Variants in BMPR1B observed in about 807,000 individuals in gnomAD.
BMPR1B encodes bone morphogenetic protein receptor type-1B.
BMPR1B carries 12 observed loss-of-function variants against 59.1 expected under a neutral mutation model. The ratio of observed to expected loss-of-function variants is 0.20; its 90% CI spans 0.13 to 0.33. BMPR1B has a LOEUF of 0.33. Ranked by LOEUF, BMPR1B falls within the 10% of genes least tolerant of loss-of-function variation. BMPR1B has a pLI of 1.00. For synonymous variants in BMPR1B, 237 were observed against 207.3 expected, an observed-to-expected ratio of 1.14 and a Z score of -1.23; for missense variants, 550 against 610.9, an observed-to-expected ratio of 0.90 and a Z score of 1.05.
intron 3 of BMPR1B, among the ~76,000 whole-genome samples, chr4:95,095,859 T>A (rs761770331): frequency 2.6e-4 from 40 of 151,908 alleles, no homozygotes; most frequent in Non-Finnish European, 5.3e-4. Context: ...GTCCTTTATA[T>A]CACAAATTAA....
At chr4:94,985,864 T>A (rs7659759) in intron 2 of BMPR1B, among the ~76,000 whole-genome samples, 5,261 of 152,252 alleles carry the variant, frequency 0.035, 316 homozygotes, top group African/African-American at 0.12. Context: ...GAAAGAGCAC[T>A]TATAAAAATA....
In BMPR1B at chr4:94,770,180, G is replaced by GT. The variant is rs1553903537; in HGVS notation, c.-183+12113dup. 1.3e-3 allele frequency among the ~76,000 whole-genome samples: 142 copies of GT among 106,216 alleles called. 4 individuals carry two copies. Among genetic ancestry groups the GT allele is most frequent in the African/African-American group, 3.8e-3 (91 of 24,170 alleles). The allele number at this position is 106,216 out of a possible 152,430, so 69.7% of individuals were successfully genotyped here. The stretch of plus-strand genomic sequence containing the variant: ...TTTGTTTGAATTGTCCTTCGTTTCT[G>GT]TGTTTGTTTTTTTTTTTTTTTTTTG... On this transcript the variant is annotated intron_variant, in intron 1 of 12. Transcript: ENST00000515059.
intron 3 of BMPR1B, among the ~76,000 whole-genome samples, chr4:95,067,937 G>T (rs1322095295): frequency 6.6e-6 from 1 of 152,184 alleles, no homozygotes; most frequent in African/African-American, 2.4e-5. Flanking sequence ...ACTAAAGGAT[G>T]ATAAGGCATT....
intron 4 of BMPR1B, 75 bp downstream of exon 4, chr4:95,104,642 T>G: frequency 6.4e-7 from 1 of 1,565,440 alleles, no homozygotes; most frequent in Non-Finnish European, 8.8e-7. Flanking sequence ...TGTAGGCTAG[T>G]GTTTCAAAGA....
At chr4:94,778,216 A>G (rs1053689920) in intron 1 of BMPR1B, among the ~76,000 whole-genome samples, 19 of 152,070 alleles carry the variant, frequency 1.2e-4, no homozygotes, top group Admixed American at 1.0e-3. Flanking sequence ...TTTCCTTCCC[A>G]TCTGAGTAAA....
chr4:95,093,733 A>G (rs1730168804), intron 3 of BMPR1B, among the ~76,000 whole-genome samples: 1 of 152,068 alleles, frequency 6.6e-6, no homozygotes, highest in Non-Finnish European at 1.5e-5. Flanking sequence ...GGTGATGTGT[A>G]ATGTCGATGT....
At chr4:95,125,668 T>A (rs1732855337) in intron 8 of BMPR1B, among the ~76,000 whole-genome samples, 1 of 152,188 alleles carries the variant, frequency 6.6e-6, no homozygotes, top group African/African-American at 2.4e-5. Context: ...AAAAGAGATG[T>A]ACAAATAGTA....
intron 3 of BMPR1B, among the ~76,000 whole-genome samples, chr4:95,027,356 C>T (rs2149148008): frequency 6.6e-6 from 1 of 152,266 alleles, no homozygotes; most frequent in East Asian, 1.9e-4. Flanking sequence ...CTGAAGTCAT[C>T]TGATTAAAAG....
intron 1 of BMPR1B, among the ~76,000 whole-genome samples, chr4:94,838,646 C>T (rs1216475256): frequency 1.4e-5 from 2 of 142,014 alleles, no homozygotes; most frequent in Non-Finnish European, 1.6e-5. Context: ...TGATTCTTCT[C>T]TCTTTTTTTC....
intron 1 of BMPR1B, among the ~76,000 whole-genome samples, chr4:94,761,062 T>G (rs1192374710): frequency 1.3e-5 from 2 of 152,206 alleles, no homozygotes; most frequent in Non-Finnish European, 2.9e-5. Flanking sequence ...GAGACTTTAC[T>G]TTTTTCACGG....
Position 94,988,004 on chromosome 4 carries a change from CCTAAT to C in BMPR1B, c.-112-8030_-112-8026del, listed in dbSNP as rs1721520492. On this transcript the variant is annotated intron_variant, in intron 2 of 12. Coordinates refer to ENST00000515059, the MANE Select transcript of BMPR1B (RefSeq NM_001203.3). Reference sequence around the variant, plus strand: ...CTTATCCAGTCTCTTGTCACATAGACCTAATCTAATTTCCATTTGGAGTAATTGTA... The same window carrying C: ...CTTATCCAGTCTCTTGTCACATAGACCTAATTTCCATTTGGAGTAATTGTA... 2.0e-5 allele frequency among the ~76,000 whole-genome samples: 3 copies of C among 152,168 alleles called. No individual in the cohort carries two copies. In the South Asian group the frequency reaches 6.2e-4, roughly 32 times the overall value.
intron 3 of BMPR1B, among the ~76,000 whole-genome samples, chr4:95,038,543 T>A (rs1436582246): frequency 1.3e-5 from 2 of 152,210 alleles, no homozygotes; most frequent in Admixed American, 6.5e-5. Flanking sequence ...AATCCTCTAT[T>A]GAAAAGGCAG....
chr4:95,021,655 C>G (rs973577199), intron 3 of BMPR1B, among the ~76,000 whole-genome samples: 1 of 152,028 alleles, frequency 6.6e-6, no homozygotes, highest in African/African-American at 2.4e-5. Flanking sequence ...GGCAGAAATG[C>G]TATGCAAAAT....
chr4:94,783,852 C>T (rs1722670469), intron 1 of BMPR1B, among the ~76,000 whole-genome samples: 1 of 152,134 alleles, frequency 6.6e-6, no homozygotes, highest in Non-Finnish European at 1.5e-5. Flanking sequence ...TAGTTTAGAG[C>T]TGGGGGGATG....
chr4:95,087,001 T>TTC (rs1560642812), intron 3 of BMPR1B, among the ~76,000 whole-genome samples: 1 of 46,540 alleles, frequency 2.1e-5, no homozygotes. Context: ...TATCCTTCTT[T>TTC]TTTTTTTTTT....
At chr4:94,817,241 A>G (rs1005121222) in intron 1 of BMPR1B, among the ~76,000 whole-genome samples, 4 of 152,224 alleles carry the variant, frequency 2.6e-5, no homozygotes, top group Non-Finnish European at 1.5e-5. Context: ...GTATTTTGTT[A>G]TAGCAGCATA....
intron 3 of BMPR1B, among the ~76,000 whole-genome samples, chr4:95,071,646 GTGTGTGTATA>G (rs1312277222): frequency 2.3e-5 from 2 of 86,576 alleles, no homozygotes; most frequent in African/African-American, 4.7e-5. Context: ...GTGTGTGTGT[GTGTGTGTATA>G]TATATATATA....
chr4:95,039,307 A>G (rs1226574346), intron 3 of BMPR1B, among the ~76,000 whole-genome samples: 1 of 152,106 alleles, frequency 6.6e-6, no homozygotes, highest in African/African-American at 2.4e-5. Flanking sequence ...AAGGCAGAGA[A>G]TGTAGTATCT....
At chr4:94,889,706 C>T (rs1727314703) in intron 2 of BMPR1B, among the ~76,000 whole-genome samples, 7 of 151,978 alleles carry the variant, frequency 4.6e-5, no homozygotes, top group Admixed American at 4.6e-4. Flanking sequence ...GAGAAGGAGC[C>T]ACAGTCTTCC....
Sources: gnomAD v4.1 joint callset for allele counts (sites outside exome capture counted in the v4.1 genomes callset) on GRCh38, gnomAD v4.1.1 for gene constraint, MANE v1.5 for transcripts, NCBI Gene and HGNC (gene_info 2026-07-23, HGNC 2026-07-21) for gene names.